The following PCDHGA7 variants were observed in gnomAD, a reference collection of about 807,000 sequenced individuals.
PCDHGA7 encodes protocadherin gamma-A7.
A neutral mutation model predicts 58.3 loss-of-function variants in PCDHGA7; 44 were observed. The ratio of observed to expected loss-of-function variants is 0.75; its 90% confidence interval spans 0.59 to 0.97. The LOEUF (loss-of-function observed/expected upper bound fraction) is 0.97, where lower values mean the gene tolerates loss of function less well. PCDHGA7 is among the 50% of genes least tolerant of loss of function. The pLI is 0.00. For synonymous variants in PCDHGA7, 516 were observed against 504.2 expected (o/e 1.02, Z -0.31); for missense variants, 1,266 against 1,188.7 (o/e 1.06, Z -0.96).
At position 141,398,826 on chromosome 5, in the gene PCDHGA7, C is replaced by T. The variant is rs755219133; in HGVS notation, c.2424+13503C>T. On this transcript the variant is annotated intron_variant, in intron 1 of 3. Coordinates refer to ENST00000518325, the MANE Select transcript of PCDHGA7 (RefSeq NM_018920.4). ...CCACTGAGCTCCGGATCCAGGTAACCGACGCCAATGATAATCCCCCGGTAT... is the reference window on the plus strand; with the variant it reads ...CCACTGAGCTCCGGATCCAGGTAACTGACGCCAATGATAATCCCCCGGTAT... 81 of 1,613,942 alleles carry T rather than the reference C, an allele frequency of 5.0e-5. 1 individual carries two copies. In the South Asian group the frequency reaches 7.7e-4, roughly 15 times the overall value.
intron 1 of PCDHGA7, chr5:141,430,875 T>A (rs1323872183): frequency 6.3e-7 from 1 of 1,599,400 alleles, no homozygotes; most frequent in Non-Finnish European, 8.5e-7. Context: ...CCGGAAGAGC[T>A]GGAGAAAGGC....
At chr5:141,415,611 A>G in intron 1 of PCDHGA7, 1 of 1,613,152 alleles carries the variant, frequency 6.2e-7, no homozygotes, top group Non-Finnish European at 8.5e-7. Context: ...CATTGGTTCC[A>G]GTGAGTTTTA....
chr5:141,399,859 G>A (rs2093908235), intron 1 of PCDHGA7: 1 of 1,612,726 alleles, frequency 6.2e-7, no homozygotes, highest in Admixed American at 1.7e-5. Flanking sequence ...GCCGCGCGCT[G>A]CAGAGCCCGG....
chr5:141,413,358 G>C, intron 1 of PCDHGA7: 1 of 1,613,972 alleles, frequency 6.2e-7, no homozygotes, highest in Non-Finnish European at 8.5e-7. Flanking sequence ...TGGCGCCCCG[G>C]GAGCTGGCGG....
At chr5:141,395,092 C>CT (rs2093168204) in intron 1 of PCDHGA7, 4 of 1,614,088 alleles carry the variant, frequency 2.5e-6, no homozygotes, top group Non-Finnish European at 3.4e-6. Context: ...GTCTCCCTCA[C>CT]CGCCGACTCG....
At chr5:141,440,579 C>G (rs1004258822) in intron 1 of PCDHGA7, 12 of 152,188 alleles carry the variant, frequency 7.9e-5, no homozygotes, top group African/African-American at 2.7e-4. Flanking sequence ...TGAGTTTACC[C>G]AGCTGGAACA....
At chr5:141,420,887 G>C (rs2096530920) in intron 1 of PCDHGA7, among the ~76,000 whole-genome samples, 1 of 152,204 alleles carries the variant, frequency 6.6e-6, no homozygotes, top group African/African-American at 2.4e-5. Context: ...GTGTATCATC[G>C]TTTTTAAGCT....
chr5:141,464,640 C>T (rs1482089475), intron 1 of PCDHGA7, among the ~76,000 whole-genome samples: 2 of 151,952 alleles, frequency 1.3e-5, no homozygotes, highest in Admixed American at 6.6e-5. Context: ...TTGTTGCCAA[C>T]CTGATGGGTA....
chr5:141,486,150 G>T lies in PCDHGA7; in HGVS notation c.2425-8657G>T. The T allele has an allele frequency of 6.2e-7, 1 of 1,614,180 alleles. No individual in the cohort carries two copies. The highest frequency in any genetic ancestry group is 8.5e-7 in the Non-Finnish European group (1 of 1,180,030). On this transcript the variant is annotated intron_variant, in intron 1 of 3. Transcript: ENST00000518325. This position sits in a 1 kb window ranked among gnomAD's most constrained non-coding sequence, Gnocchi z 5.0. The stretch of plus-strand genomic sequence containing the variant: ...TTTGATGTGCGGGCTCGCGATGGGG[G>T]TTCTCCAGCCATGGAGCAACATTGC...
At chr5:141,482,382 T>C (rs935517099) in intron 1 of PCDHGA7, among the ~76,000 whole-genome samples, 1 of 152,146 alleles carries the variant, frequency 6.6e-6, no homozygotes, top group Admixed American at 6.6e-5. Context: ...ATAAAGTCCC[T>C]GTATGGAGCA....
In PCDHGA7 at chr5:141,404,747, G is replaced by A. The variant is rs142282950; in HGVS notation, c.2424+19424G>A. 3.0e-4 allele frequency: 483 copies of A among 1,614,062 alleles called. 2 individuals carry two copies. The African/African-American group carries it at 5.3e-3, about 18-fold the overall frequency. On this transcript the variant is annotated intron_variant, in intron 1 of 3. Coordinates refer to ENST00000518325, the MANE Select transcript of PCDHGA7 (RefSeq NM_018920.4). ...GGTGGTGGCAGTGGACAGAGACTCA[G>A]GCCAGAATGCTTGGCTCTCCTACCG...
chr5:141,399,968 G>T (rs1173181110), intron 1 of PCDHGA7: 2 of 1,612,128 alleles, frequency 1.2e-6, no homozygotes, highest in Non-Finnish European at 1.7e-6. Flanking sequence ...GGGCTCTTCA[G>T]CCTGGGGCTG....
At chr5:141,418,563 C>T in intron 1 of PCDHGA7, 2 of 1,613,998 alleles carry the variant, frequency 1.2e-6, no homozygotes, top group Non-Finnish European at 1.7e-6. Context: ...GTAATAGATG[C>T]CAATGACAAC....
chr5:141,429,765 T>C (rs897963458), intron 1 of PCDHGA7, among the ~76,000 whole-genome samples: 1 of 152,230 alleles, frequency 6.6e-6, no homozygotes, highest in East Asian at 1.9e-4. Flanking sequence ...TTTCCCTATA[T>C]TTTGATGGGC....
chr5:141,400,175 A>G (rs374505357), intron 1 of PCDHGA7: 1 of 1,613,918 alleles, frequency 6.2e-7, no homozygotes, highest in Non-Finnish European at 8.5e-7. Flanking sequence ...CCCCAGGCTG[A>G]GCTGCAGTTT....
intron 1 of PCDHGA7, chr5:141,426,693 A>C (rs62378458): frequency 0.034 from 14,964 of 435,892 alleles, 320 homozygotes; most frequent in Middle Eastern, 0.11. Flanking sequence ...CCAAAATAGC[A>C]TTGTTTTACA....
At chr5:141,426,850 C>T in intron 1 of PCDHGA7, 1 of 456,734 alleles carries the variant, frequency 2.2e-6, no homozygotes. Context: ...GGCAAGAACG[C>T]TCCAGAATTA....
chr5:141,475,653 G>T (rs982063429), intron 1 of PCDHGA7, among the ~76,000 whole-genome samples: 2 of 152,238 alleles, frequency 1.3e-5, no homozygotes, highest in African/African-American at 2.4e-5. Context: ...CAAAGAAAGT[G>T]ATTCAAATGT....
intron 1 of PCDHGA7, chr5:141,398,909 T>A: frequency 6.2e-7 from 1 of 1,613,984 alleles, no homozygotes; most frequent in Non-Finnish European, 8.5e-7. Context: ...GGCACCACTG[T>A]GTTGCAAGTG....
Sources: gnomAD v4.1 joint callset for allele counts (sites outside exome capture counted in the v4.1 genomes callset) on GRCh38, gnomAD v4.1.1 for gene constraint, Gnocchi (gnomAD v3.1) non-coding constraint, MANE v1.5 for transcripts, NCBI Gene and HGNC (gene_info 2026-07-23, HGNC 2026-07-21) for gene names.